NEURL1: variants seen among roughly 807,000 people sequenced by gnomAD.
The protein encoded by NEURL1 is neuralized E3 ubiquitin protein ligase 1, also known as E3 ubiquitin-protein ligase NEURL1.
A neutral mutation model predicts 41.2 loss-of-function variants in NEURL1; 26 were observed. The observed-to-expected ratio is 0.63, with a 90% CI of 0.46 to 0.87. NEURL1 has a LOEUF of 0.87. Among genes scored for constraint, NEURL1 ranks in the 40% least tolerant of loss-of-function variants. The pLI is 0.00. For missense variants in NEURL1, 761 were observed against 871.1 expected, an observed-to-expected ratio of 0.87 and a Z score of 1.59; for synonymous variants, 400 against 402.3, an observed-to-expected ratio of 0.99 and a Z score of 0.07.
At chr10:103,588,597 A>T in intron 4 of NEURL1, 1 of 340,870 alleles carries the variant, frequency 2.9e-6, no homozygotes, top group Non-Finnish European at 5.8e-6. Context: ...CTTGGTAAGG[A>T]TTTGTTGAAG....
chr10:103,523,534 C>T (rs1198426460), intron 1 of NEURL1, among the ~76,000 whole-genome samples: 1 of 152,026 alleles, frequency 6.6e-6, no homozygotes, highest in Admixed American at 6.5e-5. Context: ...TGCTATAGAA[C>T]ACTAGCACTT....
chr10:103,512,747 G>A (rs1456422159), intron 1 of NEURL1, among the ~76,000 whole-genome samples: 3 of 152,122 alleles, frequency 2.0e-5, no homozygotes, highest in Non-Finnish European at 4.4e-5. Context: ...TGTGGGAAAG[G>A]GGAGGGCTTC....
chr10:103,522,526 C>T (rs774926536), intron 1 of NEURL1, among the ~76,000 whole-genome samples: 4 of 148,622 alleles, frequency 2.7e-5, no homozygotes, highest in Non-Finnish European at 4.4e-5. Context: ...CACTTGAACC[C>T]GGGAGGTGGA....
At chr10:103,563,164 T>C (rs1240767460) in intron 1 of NEURL1, among the ~76,000 whole-genome samples, 1 of 152,224 alleles carries the variant, frequency 6.6e-6, no homozygotes, top group South Asian at 2.1e-4. Context: ...AATGAGCCGA[T>C]CATTTCCTGC....
chr10:103,512,268 A>G (rs2986059), intron 1 of NEURL1: 77,976 of 152,402 alleles, frequency 0.51, 21,115 homozygotes, highest in African/African-American at 0.68. Context: ...GGAGAAGTTT[A>G]GATGGACAGA....
chr10:103,585,365 T>C, intron 4 of NEURL1, 140 bp downstream of exon 4: 1 of 788,794 alleles, frequency 1.3e-6, no homozygotes, highest in Non-Finnish European at 1.9e-6. Context: ...AGGTGAGTTC[T>C]GGGCGGGACT....
intron 1 of NEURL1, among the ~76,000 whole-genome samples, chr10:103,567,820 A>G (rs534852211): frequency 6.6e-6 from 1 of 152,312 alleles, no homozygotes; most frequent in South Asian, 2.1e-4. Flanking sequence ...TGAGGCACAT[A>G]TTTGTCACCT....
intron 1 of NEURL1, chr10:103,555,532 A>T: frequency 1.2e-6 from 1 of 844,000 alleles, no homozygotes; most frequent in Non-Finnish European, 1.6e-6. Flanking sequence ...CACTCCATGG[A>T]GGGGTCTGGG....
intron 1 of NEURL1, among the ~76,000 whole-genome samples, chr10:103,496,023 T>G (rs956628029): frequency 6.6e-6 from 1 of 151,276 alleles, no homozygotes; most frequent in Non-Finnish European, 1.5e-5. Flanking sequence ...GGCAGGAGAA[T>G]CCCTTGAATC....
At chr10:103,494,648 G>A (rs1276550854) in intron 1 of NEURL1, 176 bp downstream of exon 1, 1 of 597,848 alleles carries the variant, frequency 1.7e-6, no homozygotes, top group Non-Finnish European at 2.9e-6. Flanking sequence ...TGGTGATGGA[G>A]GATGGCGTCC....
chr10:103,500,853 A>G (rs570772652), intron 1 of NEURL1, among the ~76,000 whole-genome samples: 6 of 152,312 alleles, frequency 3.9e-5, no homozygotes, highest in South Asian at 4.2e-4. Flanking sequence ...GGGACCCTCA[A>G]ACCTGCGTGT....
At position 103,558,810 on chromosome 10, in the gene NEURL1, TTCC is replaced by T. The variant is rs144941874; in HGVS notation, c.86-12057_86-12055del. Among the ~76,000 whole-genome samples the T allele has an allele frequency of 0.018, 2,793 of 152,144 alleles. 33 individuals carry two copies. Among genetic ancestry groups the T allele is most frequent in the Non-Finnish European group, 0.026 (1,785 of 67,982 alleles). ...TCCTCTCTTCTTCCTTTCCCCCCAC[TTCC>T]TCCTTCACCTCCCTTCAATGCTCCC... On this transcript the variant is annotated intron_variant, in intron 1 of 5. Coordinates refer to ENST00000369780, the MANE Select transcript of NEURL1 (RefSeq NM_004210.5). This position sits in a 1 kb window ranked among gnomAD's most constrained non-coding sequence, Gnocchi z 4.2.
rs1023909397 is a variant in NEURL1 at position 103,508,438 on chromosome 10, C to T, written c.85+13966C>T. On this transcript the variant is annotated intron_variant, in intron 1 of 5. Transcript: ENST00000369780. This position sits in a 1 kb window ranked among gnomAD's most constrained non-coding sequence, Gnocchi z 4.3. The stretch of plus-strand genomic sequence containing the variant: ...GCTAGGACCTCTTTCTGTCTCTGAG[C>T]GCCCTGACTTCTCTTCCAGCCCCGA... 3.9e-5 allele frequency among the ~76,000 whole-genome samples: 6 copies of T among 152,314 alleles called. No individual in the cohort carries two copies. Among genetic ancestry groups the T allele is most frequent in the South Asian group, 4.2e-4 (2 of 4,818 alleles).
At chr10:103,553,310 T>G (rs2035073693) in intron 1 of NEURL1, among the ~76,000 whole-genome samples, 1 of 152,222 alleles carries the variant, frequency 6.6e-6, no homozygotes, top group Non-Finnish European at 1.5e-5. Flanking sequence ...TTATGATCAT[T>G]ATCCGACAAA....
rs554242341 is a variant in NEURL1, at chr10:103,543,700, G to A, written c.86-27172G>A. 2.0e-5 allele frequency among the ~76,000 whole-genome samples: 3 copies of A among 152,358 alleles called. No homozygotes were observed. The South Asian group carries it at 6.2e-4, about 32-fold the overall frequency. ...AGAGGACTGGCTGGACAGCCTTGGAGAGGGATAGTCTGGTCTATTCCATCC... is the reference window on the plus strand; with the variant it reads ...AGAGGACTGGCTGGACAGCCTTGGAAAGGGATAGTCTGGTCTATTCCATCC... On this transcript the variant is annotated intron_variant, in intron 1 of 5. Coordinates refer to ENST00000369780, the MANE Select transcript of NEURL1 (RefSeq NM_004210.5).
intron 1 of NEURL1, among the ~76,000 whole-genome samples, chr10:103,555,691 C>A (rs1230339849): frequency 6.9e-6 from 1 of 145,350 alleles, no homozygotes; most frequent in Non-Finnish European, 1.6e-5. Context: ...ACAAAGTCTC[C>A]TTGTCCTCTT....
rs2033994338 is a variant in NEURL1 at position 103,508,363 on chromosome 10, G to C, written c.85+13891G>C. Among the ~76,000 whole-genome samples the C allele has an allele frequency of 6.6e-6, 1 of 152,206 alleles. No individual in the cohort carries two copies. Among genetic ancestry groups the C allele is most frequent in the Non-Finnish European group, 1.5e-5 (1 of 68,040 alleles). ...CTGGGTCTCTTCATGGGACCTCTTT[G>C]AATTAGCATTAGGGTGACATCCATT... On this transcript the variant is annotated intron_variant, in intron 1 of 5. Transcript: ENST00000369780. The surrounding 1 kb of genome is among the most constrained non-coding windows in gnomAD (Gnocchi z 4.3).
intron 1 of NEURL1, among the ~76,000 whole-genome samples, chr10:103,514,381 C>T (rs982970415): frequency 1.4e-4 from 22 of 152,138 alleles, no homozygotes; most frequent in South Asian, 8.3e-4. Context: ...CCATGGACCG[C>T]GTCCCCGGGC....
intron 1 of NEURL1, among the ~76,000 whole-genome samples, chr10:103,515,691 C>G (rs2986060): frequency 0.5 from 76,728 of 152,174 alleles, 20,331 homozygotes; most frequent in African/African-American, 0.66. Context: ...GAAAGTGAAA[C>G]CAGATGACGA....
Sources: gnomAD v4.1 joint callset for allele counts (sites outside exome capture counted in the v4.1 genomes callset) on GRCh38, gnomAD v4.1.1 for gene constraint, Gnocchi (gnomAD v3.1) non-coding constraint, MANE v1.5 for transcripts, NCBI Gene and HGNC (gene_info 2026-07-23, HGNC 2026-07-21) for gene names.